Variants in PRDM1 observed in about 807,000 individuals in gnomAD.
PRDM1 encodes the protein PR/SET domain 1.
Under a neutral mutation model 62.8 loss-of-function variants are expected in PRDM1, and 13 were observed. That is an observed-to-expected ratio of 0.21 (90% CI 0.13 to 0.33). The LOEUF is 0.33. Among genes scored for constraint, PRDM1 ranks in the 10% least tolerant of loss-of-function variants. The pLI is 1.00. For synonymous variants in PRDM1, 396 were observed against 417.6 expected (o/e 0.95, Z 0.63); for missense variants, 895 against 1,058.8 (o/e 0.85, Z 2.15).
Position 106,036,352 on chromosome 6 carries a change from C to A in PRDM1, c.-67+42713C>A, listed in dbSNP as rs1772925930. Among the ~76,000 whole-genome samples the A allele has an allele frequency of 2.0e-5, 3 of 152,154 alleles. No homozygotes were observed. In the South Asian group the frequency reaches 6.2e-4, roughly 32 times the overall value. On this transcript the variant is annotated intron_variant, in intron 1 of 6. Transcript: ENST00000652320. ...AACTTAAGTAGAGACAGGGTTTCAT[C>A]ATGTTGCCCAGGCTAGATTAGTTGA...
At chr6:106,013,624 A>G (rs1772583734) in intron 1 of PRDM1, among the ~76,000 whole-genome samples, 1 of 152,056 alleles carries the variant, frequency 6.6e-6, no homozygotes, top group Non-Finnish European at 1.5e-5. Context: ...CACCATGCCC[A>G]GCCGACCTTT....
At chr6:106,040,650 T>C (rs1772980074) in intron 1 of PRDM1, among the ~76,000 whole-genome samples, 1 of 152,218 alleles carries the variant, frequency 6.6e-6, no homozygotes, top group Admixed American at 6.5e-5. Context: ...ATCAGAAGGT[T>C]GTCTATTTCT....
intron 1 of PRDM1, among the ~76,000 whole-genome samples, chr6:106,062,445 G>T (rs1773358904): frequency 6.6e-6 from 1 of 152,156 alleles, no homozygotes; most frequent in South Asian, 2.1e-4. Flanking sequence ...AATAATTTGA[G>T]ATGTATTTCC....
chr6:106,090,619 G>A (rs1318027752), intron 2 of PRDM1, among the ~76,000 whole-genome samples: 2 of 152,204 alleles, frequency 1.3e-5, no homozygotes, highest in Non-Finnish European at 2.9e-5. Context: ...CTGCAAACTA[G>A]TTCCGGGACA....
chr6:106,016,899 G>T (rs570848519), intron 1 of PRDM1, among the ~76,000 whole-genome samples: 8 of 152,084 alleles, frequency 5.3e-5, no homozygotes, highest in Admixed American at 6.5e-5. Context: ...TGATCTGCCC[G>T]CCTTGGCCTC....
chr6:106,024,153 T>G (rs1772735203), intron 1 of PRDM1, among the ~76,000 whole-genome samples: 1 of 151,916 alleles, frequency 6.6e-6, no homozygotes, highest in African/African-American at 2.4e-5. Flanking sequence ...AAAAAAAAAT[T>G]GAATCAGTGC....
intron 1 of PRDM1, among the ~76,000 whole-genome samples, chr6:106,013,583 C>T (rs1450886796): frequency 6.6e-6 from 1 of 152,208 alleles, no homozygotes; most frequent in Admixed American, 6.5e-5. Context: ...CCACCTTGGC[C>T]TCCCAAAGTG....
At chr6:106,095,943 G>A (rs1316608134) in intron 3 of PRDM1, 3 of 511,276 alleles carry the variant, frequency 5.9e-6, no homozygotes, top group African/African-American at 1.9e-5. Flanking sequence ...ATGGAGATAC[G>A]GGCTATATGT....
At chr6:106,061,389 C>T (rs147192210) in intron 1 of PRDM1, among the ~76,000 whole-genome samples, 23 of 151,892 alleles carry the variant, frequency 1.5e-4, no homozygotes, top group Non-Finnish European at 2.2e-4. Flanking sequence ...TCCACTGATC[C>T]GGACTGAGTG....
intron 1 of PRDM1, among the ~76,000 whole-genome samples, chr6:105,998,082 T>A (rs1049862843): frequency 6.6e-6 from 1 of 152,220 alleles, no homozygotes; most frequent in Admixed American, 6.5e-5. Flanking sequence ...ATTTTAAGTA[T>A]TTTTATTACA....
intron 1 of PRDM1, among the ~76,000 whole-genome samples, chr6:106,042,630 G>C (rs769501734): frequency 6.6e-6 from 1 of 152,092 alleles, no homozygotes; most frequent in Non-Finnish European, 1.5e-5. Flanking sequence ...TTTTTCTAGA[G>C]TTGTCCTCAG....
In PRDM1 at chr6:106,107,517, AAG is replaced by A. The variant is rs770380908; in HGVS notation, c.*32_*33del. ...TCAGAAAACACTTATTTTGTTTCTT[AAG>A]TTATGACTTGGTGAGTCAGGGTGCC... On this transcript the variant is annotated 3_prime_UTR_variant, in exon 7 of 7. Transcript: ENST00000369096. 4 of 1,554,798 alleles carry A rather than the reference AAG, an allele frequency of 2.6e-6. No homozygotes were observed. Among genetic ancestry groups the A allele is most frequent in the Non-Finnish European group, 3.5e-6 (4 of 1,146,976 alleles).
At chr6:106,049,164 G>T (rs1773130726) in intron 1 of PRDM1, among the ~76,000 whole-genome samples, 1 of 152,098 alleles carries the variant, frequency 6.6e-6, no homozygotes, top group South Asian at 2.1e-4. Context: ...GAGAATGTGG[G>T]CACGATAGTA....
chr6:106,049,705 C>T (rs963843259), intron 1 of PRDM1, among the ~76,000 whole-genome samples: 8 of 151,652 alleles, frequency 5.3e-5, no homozygotes, highest in Non-Finnish European at 1.2e-4. Flanking sequence ...CACACACAAA[C>T]ACACAGGTGC....
At chr6:106,089,384 T>G (rs1318424636) in intron 2 of PRDM1, among the ~76,000 whole-genome samples, 1 of 152,152 alleles carries the variant, frequency 6.6e-6, no homozygotes, top group Non-Finnish European at 1.5e-5. Flanking sequence ...TGGTTGGCCG[T>G]AGAAATCCAG....
intron 1 of PRDM1, among the ~76,000 whole-genome samples, chr6:106,026,753 G>A (rs1463944848): frequency 6.6e-6 from 1 of 152,152 alleles, no homozygotes; most frequent in African/African-American, 2.4e-5. Flanking sequence ...TGCATACAAA[G>A]ATGTGTGTTT....
intron 1 of PRDM1, among the ~76,000 whole-genome samples, chr6:106,013,285 C>G (rs1254674223): frequency 6.6e-6 from 1 of 151,518 alleles, no homozygotes; most frequent in African/African-American, 2.4e-5. Flanking sequence ...CTAAACTGAG[C>G]TTATCCTCAT....
chr6:106,098,736 A>C, intron 3 of PRDM1: 3 of 1,406,564 alleles, frequency 2.1e-6, no homozygotes, highest in African/African-American at 2.9e-5. Context: ...GGTTCCAAGT[A>C]TTCATATGAA....
In PRDM1 at chr6:106,107,962, T is replaced by C. The variant is rs774760946; in HGVS notation, c.*476T>C. ...GTATTTTTGTCTTGTGGCCATTCTT[T>C]GTAGATAATTTCTGCACATCTGTAT... is the stretch of plus-strand genomic sequence containing the variant. On this transcript the variant is annotated 3_prime_UTR_variant, in exon 7 of 7. Coordinates refer to ENST00000369096, the MANE Select transcript of PRDM1 (RefSeq NM_001198.4). 4.3e-6 allele frequency: 1 copy of C among 232,624 alleles called. No individual in the cohort carries two copies. Among genetic ancestry groups the C allele is most frequent in the African/African-American group, 2.2e-5 (1 of 45,250 alleles). 14.4% of individuals were successfully genotyped at this position (232,624 alleles called of 1,614,324 possible).
Sources: allele counts gnomAD v4.1 joint callset (sites outside exome capture counted in the v4.1 genomes callset), GRCh38; gene constraint gnomAD v4.1.1; transcripts MANE v1.5; gene names NCBI Gene and HGNC (gene_info 2026-07-23, HGNC 2026-07-21).